The following USP15 variants were observed in gnomAD, a reference collection of about 807,000 sequenced individuals.
USP15 encodes ubiquitin specific peptidase 15.
In USP15, 18 loss-of-function variants were observed where a neutral mutation model predicts 127.1. The ratio of observed to expected loss-of-function variants is 0.14; its 90% CI spans 0.10 to 0.21. The LOEUF is 0.21. Among genes scored for constraint, USP15 ranks in the 10% least tolerant of loss-of-function variants. USP15 has a pLI of 1.00. For synonymous variants in USP15, 364 were observed against 393.7 expected (o/e 0.92, Z 0.89); for missense variants, 805 against 1,159.9 (o/e 0.69, Z 4.44).
At chr12:62,321,812 A>G (rs2064992734) in intron 5 of USP15, among the ~76,000 whole-genome samples, 1 of 152,190 alleles carries the variant, frequency 6.6e-6, no homozygotes, top group South Asian at 2.1e-4. Flanking sequence ...TGTTAAAAAG[A>G]AATCATTTTT....
chr12:62,399,643 C>T (rs1335703360), intron 20 of USP15, among the ~76,000 whole-genome samples: 2 of 151,632 alleles, frequency 1.3e-5, no homozygotes, highest in Admixed American at 1.3e-4. Flanking sequence ...TTTGTTAGTT[C>T]CTTTGACTCT....
intron 9 of USP15, among the ~76,000 whole-genome samples, chr12:62,382,585 T>C (rs1289252017): frequency 6.6e-6 from 1 of 151,964 alleles, no homozygotes; most frequent in African/African-American, 2.4e-5. Context: ...TTTTGGTAGA[T>C]TTTCTCTCTT....
rs1000430321 is a variant in USP15 at position 62,415,952 on chromosome 12, T to C, written c.*11577T>C. 6.6e-6 allele frequency: 1 copy of C among 152,210 alleles called. No individual in the cohort carries two copies. The highest frequency in any genetic ancestry group is 6.5e-5 in the Admixed American group (1 of 15,272). 9.4% of individuals were successfully genotyped at this position (152,210 alleles called of 1,614,324 possible). ...TGAATGAGAGCAGCTCTCTGTTCAA[T>C]ACGATTCATACTCAAGTTCTAATAA... On this transcript the variant is annotated 3_prime_UTR_variant, in exon 22 of 22. Transcript: ENST00000280377.
intron 8 of USP15, among the ~76,000 whole-genome samples, chr12:62,358,153 A>G (rs567069036): frequency 6.6e-6 from 1 of 152,010 alleles, no homozygotes; most frequent in Non-Finnish European, 1.5e-5. Context: ...TAGTATTAAC[A>G]TATGTTAAAA....
At chr12:62,350,065 G>A (rs986454057) in intron 7 of USP15, among the ~76,000 whole-genome samples, 24 of 151,532 alleles carry the variant, frequency 1.6e-4, no homozygotes, top group African/African-American at 5.6e-4. Context: ...TAGATTGAAA[G>A]TATTTAGATA....
At chr12:62,351,267 A>G (rs1391458086) in intron 7 of USP15, among the ~76,000 whole-genome samples, 2 of 151,716 alleles carry the variant, frequency 1.3e-5, no homozygotes, top group African/African-American at 4.8e-5. Context: ...CTTCTCTTCT[A>G]TTTAAAAATG....
At position 62,314,687 on chromosome 12, in the gene USP15, C is replaced by T. The variant is rs1390391186; in HGVS notation, c.349-103C>T. 5.4e-6 allele frequency: 6 copies of T among 1,118,290 alleles called. No homozygotes were observed. In the East Asian group the frequency reaches 1.7e-4, roughly 33 times the overall value. 69.3% of individuals were successfully genotyped at this position (1,118,290 alleles called of 1,614,324 possible). Reference sequence around the variant, plus strand: ...CAGGCTTTAATAGTGACTGGTTTTTCACTGGAGATCTGCAGTTTTCTAAAG... The same window carrying T: ...CAGGCTTTAATAGTGACTGGTTTTTTACTGGAGATCTGCAGTTTTCTAAAG... On this transcript the variant is annotated intron_variant, in intron 3 of 21. Transcript: ENST00000280377.
chr12:62,272,167 G>A (rs1394485210), intron 1 of USP15, among the ~76,000 whole-genome samples: 2 of 151,498 alleles, frequency 1.3e-5, no homozygotes, highest in Non-Finnish European at 3.0e-5. Context: ...TATAATTTAA[G>A]CATTTTGTTA....
Position 62,407,722 on chromosome 12 carries a change from C to T in USP15, c.*3347C>T, listed in dbSNP as rs1431366027. ...GAATTTCAGGACTTTGTAAACTCTA[C>T]TCTAGTTTTGCTTTCTGTTTGTTTG... On this transcript the variant is annotated 3_prime_UTR_variant, in exon 22 of 22. Coordinates refer to ENST00000280377, the MANE Select transcript of USP15 (RefSeq NM_001252078.2). The T allele has an allele frequency of 6.8e-6, 1 of 147,706 alleles. No individual in the cohort carries two copies. Among genetic ancestry groups the T allele is most frequent in the Non-Finnish European group, 1.5e-5 (1 of 66,232 alleles). 9.1% of individuals were successfully genotyped at this position (147,706 alleles called of 1,614,324 possible).
intron 8 of USP15, among the ~76,000 whole-genome samples, chr12:62,374,081 G>A (rs1029827475): frequency 2.6e-5 from 4 of 151,882 alleles, no homozygotes; most frequent in Non-Finnish European, 4.4e-5. Context: ...GAAAACAATT[G>A]ACATGGCGAA....
chr12:62,301,138 T>C (rs888183500), intron 2 of USP15, among the ~76,000 whole-genome samples: 2 of 152,134 alleles, frequency 1.3e-5, no homozygotes, highest in Non-Finnish European at 2.9e-5. Context: ...ACATAATTCA[T>C]ATTAGAGAAA....
intron 1 of USP15, among the ~76,000 whole-genome samples, chr12:62,283,727 G>A (rs2063715345): frequency 1.3e-5 from 2 of 152,142 alleles, no homozygotes; most frequent in Non-Finnish European, 2.9e-5. Flanking sequence ...CGGATCACTT[G>A]AGGCCAGGAG....
intron 8 of USP15, among the ~76,000 whole-genome samples, chr12:62,361,627 G>T (rs946425014): frequency 4.6e-5 from 7 of 151,610 alleles, no homozygotes; most frequent in Non-Finnish European, 1.0e-4. Context: ...ATTATTTCAA[G>T]GATTTTTTTT....
intron 3 of USP15, among the ~76,000 whole-genome samples, chr12:62,309,135 T>C (rs576986001): frequency 1.3e-5 from 2 of 149,672 alleles, no homozygotes; most frequent in Admixed American, 1.3e-4. Context: ...AATTCAGTCA[T>C]TGTAGAGAGC....
chr12:62,297,416 G>A (rs1412139386), intron 2 of USP15, among the ~76,000 whole-genome samples: 1 of 152,122 alleles, frequency 6.6e-6, no homozygotes, highest in Admixed American at 6.5e-5. Flanking sequence ...AGGGGCAAGT[G>A]GCTTGCTGCA....
intron 6 of USP15, among the ~76,000 whole-genome samples, chr12:62,344,539 C>G (rs1273110922): frequency 6.6e-6 from 1 of 152,210 alleles, no homozygotes; most frequent in Admixed American, 6.5e-5. Flanking sequence ...GTCAGTAGAT[C>G]TACCATTCTG....
intron 20 of USP15, among the ~76,000 whole-genome samples, chr12:62,396,991 AAGTG>A (rs2067512771): frequency 1.3e-5 from 2 of 152,210 alleles, no homozygotes; most frequent in South Asian, 4.1e-4. Context: ...TGCTGAGTTT[AAGTG>A]AGTAAGTGTT....
chr12:62,278,304 A>G (rs1015910265), intron 1 of USP15, among the ~76,000 whole-genome samples: 1 of 152,156 alleles, frequency 6.6e-6, no homozygotes, highest in Non-Finnish European at 1.5e-5. Context: ...AGGCTGTTCT[A>G]CAGCTAACTT....
chr12:62,303,096 T>C, intron 3 of USP15, 176 bp downstream of exon 3: 1 of 604,646 alleles, frequency 1.7e-6, no homozygotes, highest in Non-Finnish European at 2.7e-6. Flanking sequence ...TTACTTATGC[T>C]AGCCACTATT....
Sources: gnomAD v4.1 joint callset for allele counts (sites outside exome capture counted in the v4.1 genomes callset) on GRCh38, gnomAD v4.1.1 for gene constraint, MANE v1.5 for transcripts, NCBI Gene and HGNC (gene_info 2026-07-23, HGNC 2026-07-21) for gene names.